WDR49: variants seen among roughly 807,000 people sequenced by gnomAD.
The protein encoded by WDR49 is WD repeat domain 49, also known as cilia- and flagella-associated protein 337.
WDR49 carries 107 observed loss-of-function variants against 119.5 expected under a neutral mutation model. That is an observed-to-expected ratio of 0.90 (90% CI 0.77 to 1.05). WDR49 has a LOEUF of 1.05. Among genes scored for constraint, WDR49 ranks in the 50% least tolerant of loss-of-function variants. The probability of loss-of-function intolerance (pLI) is 0.00; values close to 1 mark genes in which losing one functional copy is unlikely to be tolerated. For missense variants in WDR49, 1,240 were observed against 1,220.5 expected, an observed-to-expected ratio of 1.02 and a Z score of -0.24; for synonymous variants, 425 against 418.8, an observed-to-expected ratio of 1.01 and a Z score of -0.18.
intron 5 of WDR49, among the ~76,000 whole-genome samples, chr3:167,618,060 T>C (rs1430208549): frequency 1.3e-5 from 2 of 152,176 alleles, no homozygotes; most frequent in Non-Finnish European, 2.9e-5. Flanking sequence ...GTCTGATCTA[T>C]TCATGTCTAC....
chr3:167,512,268 T>C (rs1432038135), intron 16 of WDR49, among the ~76,000 whole-genome samples: 1 of 152,180 alleles, frequency 6.6e-6, no homozygotes, highest in Non-Finnish European at 1.5e-5. Context: ...CAGCCATCTT[T>C]GCTCTTCTGC....
At chr3:167,506,634 C>T (rs1384512334) in intron 16 of WDR49, among the ~76,000 whole-genome samples, 3 of 152,050 alleles carry the variant, frequency 2.0e-5, no homozygotes, top group Non-Finnish European at 4.4e-5. Flanking sequence ...AGCCAATTTT[C>T]CCTATTATAA....
At chr3:167,488,145 A>AACACACACACAC (rs57719248) in intron 18 of WDR49, among the ~76,000 whole-genome samples, 2 of 136,194 alleles carry the variant, frequency 1.5e-5, no homozygotes, top group Non-Finnish European at 3.2e-5. Context: ...GATACACTCA[A>AACACACACACAC]ACACACACAC....
intron 2 of WDR49, among the ~76,000 whole-genome samples, chr3:167,637,422 A>T (rs1352272114): frequency 6.6e-6 from 1 of 151,932 alleles, no homozygotes; most frequent in Non-Finnish European, 1.5e-5. Context: ...GAAATCAGGT[A>T]ATGTGATGCC....
rs897442794 is a variant in WDR49, at chr3:167,626,118, G to A, written c.606+734C>T. On this transcript the variant is annotated intron_variant, in intron 3 of 18. Coordinates refer to ENST00000682715, the MANE Select transcript of WDR49 (RefSeq NM_001366157.1). ...GCTATGGATATTAAGTGTGGTAGAGGTATTTTGGCTATGCTAAAATAGAGA... is the reference window on the plus strand; with the variant it reads ...GCTATGGATATTAAGTGTGGTAGAGATATTTTGGCTATGCTAAAATAGAGA... 3.9e-5 allele frequency among the ~76,000 whole-genome samples: 6 copies of A among 151,926 alleles called. No individual in the cohort carries two copies. The South Asian group carries it at 6.2e-4, about 16-fold the overall frequency.
chr3:167,539,272 T>C (rs909276976), intron 10 of WDR49, among the ~76,000 whole-genome samples: 4 of 152,192 alleles, frequency 2.6e-5, no homozygotes, highest in Non-Finnish European at 4.4e-5. Context: ...GCTAAGTTTC[T>C]GAAGTACACC....
chr3:167,491,894 T>C (rs1315352301), intron 18 of WDR49, among the ~76,000 whole-genome samples: 3 of 152,058 alleles, frequency 2.0e-5, no homozygotes, highest in Admixed American at 2.0e-4. Flanking sequence ...CAAAAGGACA[T>C]AAAAAACCCA....
At chr3:167,543,158 C>T (rs1168698140) in intron 10 of WDR49, among the ~76,000 whole-genome samples, 1 of 151,222 alleles carries the variant, frequency 6.6e-6, no homozygotes, top group Non-Finnish European at 1.5e-5. Flanking sequence ...AAAAAAATGC[C>T]AACAAAAAAA....
At chr3:167,555,187 A>T (rs986906486) in intron 9 of WDR49, among the ~76,000 whole-genome samples, 1 of 152,152 alleles carries the variant, frequency 6.6e-6, no homozygotes, top group Non-Finnish European at 1.5e-5. Flanking sequence ...AGTTGAGTTC[A>T]TCTCCAGTGG....
chr3:167,587,891 A>G (rs1714899744), intron 7 of WDR49, among the ~76,000 whole-genome samples: 1 of 152,208 alleles, frequency 6.6e-6, no homozygotes, highest in African/African-American at 2.4e-5. Context: ...ATTGCGTAAT[A>G]ATCACATCAG....
intron 7 of WDR49, among the ~76,000 whole-genome samples, chr3:167,601,191 T>C (rs563875411): frequency 1.1e-4 from 16 of 152,222 alleles, no homozygotes; most frequent in South Asian, 4.1e-4. Flanking sequence ...TCAACAGAAA[T>C]TGGCAGCTGA....
chr3:167,515,514 A>G (rs1278475192), intron 16 of WDR49, among the ~76,000 whole-genome samples: 1 of 152,162 alleles, frequency 6.6e-6, no homozygotes, highest in Non-Finnish European at 1.5e-5. Context: ...ACTTATGCCA[A>G]ACTCATAGCC....
intron 2 of WDR49, among the ~76,000 whole-genome samples, chr3:167,637,890 A>G (rs958148760): frequency 6.6e-6 from 1 of 151,450 alleles, no homozygotes; most frequent in African/African-American, 2.4e-5. Context: ...AGCTTTTTGG[A>G]GTAGCCTTTA....
At chr3:167,548,124 C>T (rs1712321401) in intron 10 of WDR49, among the ~76,000 whole-genome samples, 2 of 152,074 alleles carry the variant, frequency 1.3e-5, no homozygotes, top group Middle Eastern at 6.8e-3. Flanking sequence ...ATTTTCATTT[C>T]CAAGCATGGC....
intron 10 of WDR49, among the ~76,000 whole-genome samples, chr3:167,548,243 C>A (rs1560280183): frequency 2.0e-5 from 3 of 151,870 alleles, no homozygotes; most frequent in Non-Finnish European, 2.9e-5. Context: ...ACTAAGGGGG[C>A]AATTTACTGA....
At chr3:167,483,740 G>A (rs1354321082) in intron 18 of WDR49, among the ~76,000 whole-genome samples, 4 of 152,014 alleles carry the variant, frequency 2.6e-5, no homozygotes, top group African/African-American at 9.7e-5. Flanking sequence ...ATGCTTACCT[G>A]GAAATGATTG....
chr3:167,529,267 G>C (rs1752755760), intron 13 of WDR49, 28 bp from the exon 14 acceptor site: 1 of 1,518,188 alleles, frequency 6.6e-7, no homozygotes, highest in Non-Finnish European at 8.8e-7. Flanking sequence ...AATCTAACTA[G>C]AAAACTGAAC....
At chr3:167,575,298 G>A (rs1468795650) in intron 8 of WDR49, 36 of 986,738 alleles carry the variant, frequency 3.6e-5, no homozygotes, top group South Asian at 3.3e-4. Flanking sequence ...GCTGTGGTCT[G>A]CGCAGTAACT....
At chr3:167,516,151 G>A (rs1296640230) in intron 16 of WDR49, among the ~76,000 whole-genome samples, 2 of 152,126 alleles carry the variant, frequency 1.3e-5, no homozygotes, top group South Asian at 4.2e-4. Flanking sequence ...TGTGCACAAC[G>A]TGCAGGTTAG....
Sources: gnomAD v4.1 joint callset for allele counts (sites outside exome capture counted in the v4.1 genomes callset) on GRCh38, gnomAD v4.1.1 for gene constraint, MANE v1.5 for transcripts, NCBI Gene and HGNC (gene_info 2026-07-23, HGNC 2026-07-21) for gene names.